The following TRPM3 variants were observed in gnomAD, a reference collection of about 807,000 sequenced individuals.
The protein encoded by TRPM3 is transient receptor potential cation channel subfamily M member 3.
Under a neutral mutation model 181.2 loss-of-function variants are expected in TRPM3, and 77 were observed. That is an observed-to-expected ratio of 0.42 (90% confidence interval 0.35 to 0.51). TRPM3 has a LOEUF of 0.51. Among genes scored for constraint, TRPM3 ranks in the 20% least tolerant of loss-of-function variants. The pLI is 0.01. For missense variants in TRPM3, 1,759 were observed against 2,196.7 expected (o/e 0.80, Z 3.98); for synonymous variants, 745 against 796.4 (o/e 0.94, Z 1.09).
intron 1 of TRPM3, among the ~76,000 whole-genome samples, chr9:71,020,956 GCTAA>G (rs1355382138): frequency 3.3e-5 from 5 of 152,120 alleles, no homozygotes; most frequent in African/African-American, 1.2e-4. Flanking sequence ...TTCACAATAA[GCTAA>G]CTAACTGGTT....
At chr9:71,118,405 C>A (rs1299360975) in intron 1 of TRPM3, among the ~76,000 whole-genome samples, 1 of 152,114 alleles carries the variant, frequency 6.6e-6, no homozygotes, top group Non-Finnish European at 1.5e-5. Flanking sequence ...TCTTTTGTAT[C>A]CTGTTTCTAT....
chr9:70,765,313 G>A (rs1347266865), intron 7 of TRPM3, among the ~76,000 whole-genome samples: 8 of 152,166 alleles, frequency 5.3e-5, no homozygotes, highest in Non-Finnish European at 4.4e-5. Context: ...TTTGCGGGCC[G>A]GGTTTGGTGG....
At chr9:71,007,674 G>A (rs1236137014) in intron 1 of TRPM3, among the ~76,000 whole-genome samples, 1 of 152,076 alleles carries the variant, frequency 6.6e-6, no homozygotes, top group African/African-American at 2.4e-5. Flanking sequence ...TGGGACAAAT[G>A]ACAATGGAAT....
chr9:71,307,576 T>C (rs980455329), intron 1 of TRPM3, among the ~76,000 whole-genome samples: 1 of 152,196 alleles, frequency 6.6e-6, no homozygotes, highest in Non-Finnish European at 1.5e-5. Context: ...CTCTCTCCTC[T>C]GTTTTTAGTG....
intron 1 of TRPM3, among the ~76,000 whole-genome samples, chr9:71,165,197 A>G (rs1438288999): frequency 6.6e-6 from 1 of 152,086 alleles, no homozygotes; most frequent in African/African-American, 2.4e-5. Flanking sequence ...GCCTATACCT[A>G]TTTTCACAAG....
chr9:70,580,254 G>A (rs2055278879), intron 22 of TRPM3, among the ~76,000 whole-genome samples: 1 of 152,054 alleles, frequency 6.6e-6, no homozygotes, highest in Non-Finnish European at 1.5e-5. Context: ...ATAAACTGAA[G>A]CTATACTTAA....
chr9:71,141,568 G>A (rs1321647117), intron 1 of TRPM3, among the ~76,000 whole-genome samples: 1 of 152,064 alleles, frequency 6.6e-6, no homozygotes, highest in Non-Finnish European at 1.5e-5. Context: ...TTAAGTTAAA[G>A]GGGCTTTTCA....
rs779170507 is a variant in TRPM3 at position 71,116,980 on chromosome 9, G to A, written c.177+4198C>T. The stretch of plus-strand genomic sequence containing the variant: ...ATAACTGAAATACCCTTTCTAGCCC[G>A]GGAAAGAGGAACTTCCTTCTCAGGA... On this transcript the variant is annotated intron_variant, in intron 1 of 25. Transcript: ENST00000677713. Among the ~76,000 whole-genome samples the A allele has an allele frequency of 4.2e-4, 64 of 152,156 alleles. 1 individual carries two copies. The highest frequency in any genetic ancestry group is 1.4e-3 in the African/African-American group (57 of 41,502).
In TRPM3 at chr9:70,923,803, ACTCT is replaced by A. The variant is rs769200720; in HGVS notation, c.178-59296_178-59293del. Among the ~76,000 whole-genome samples the A allele has an allele frequency of 5.5e-3, 793 of 143,430 alleles. 2 individuals carry two copies. The highest frequency in any genetic ancestry group is 0.011 in the South Asian group (48 of 4,458). 94.1% of individuals were successfully genotyped at this position (143,430 alleles called of 152,430 possible). A position where few individuals can be genotyped will look rare whatever the true frequency, so the allele number is the denominator to read the frequency against. ...ACAAATAACACACACACACACACACACTCTCTCTCTCTCTCTCTCTCTCTCTATA... is the reference window on the plus strand; with the variant it reads ...ACAAATAACACACACACACACACACACTCTCTCTCTCTCTCTCTCTCTATA... On this transcript the variant is annotated intron_variant, in intron 1 of 25. Coordinates refer to ENST00000677713, the MANE Select transcript of TRPM3 (RefSeq NM_001366145.2).
At chr9:70,574,679 G>C (rs1362516828) in intron 22 of TRPM3, among the ~76,000 whole-genome samples, 1 of 152,182 alleles carries the variant, frequency 6.6e-6, no homozygotes, top group African/African-American at 2.4e-5. Context: ...CATTACGCAG[G>C]AGAGTGCCTG....
chr9:71,042,222 A>T (rs2058908539), intron 1 of TRPM3, among the ~76,000 whole-genome samples: 1 of 152,086 alleles, frequency 6.6e-6, no homozygotes, highest in Non-Finnish European at 1.5e-5. Context: ...AGGTGAGGGA[A>T]AGGGCAATGG....
rs144112804 is a variant in TRPM3 at position 70,683,035 on chromosome 9, C to T, written c.1273-1457G>A. The stretch of plus-strand genomic sequence containing the variant: ...AGTTTGTTTAAGGTCACACAATGAG[C>T]TAGAAGAACAGCTGTGATTGGAATT... On this transcript the variant is annotated intron_variant, in intron 8 of 25. Coordinates refer to ENST00000677713, the MANE Select transcript of TRPM3 (RefSeq NM_001366145.2). Among the ~76,000 whole-genome samples the T allele has an allele frequency of 1.1e-3, 168 of 152,250 alleles. 1 individual carries two copies. Among genetic ancestry groups the T allele is most frequent in the Middle Eastern group, 6.8e-3 (2 of 294 alleles).
intron 1 of TRPM3, among the ~76,000 whole-genome samples, chr9:71,107,936 T>C (rs1011506218): frequency 2.6e-5 from 4 of 152,202 alleles, no homozygotes; most frequent in Admixed American, 2.6e-4. Context: ...TGTTGCAATT[T>C]CAGTCAACCA....
At chr9:71,268,480 A>C (rs1565403136) in intron 1 of TRPM3, among the ~76,000 whole-genome samples, 2 of 152,084 alleles carry the variant, frequency 1.3e-5, no homozygotes, top group Non-Finnish European at 2.9e-5. Context: ...CTTAGAACAC[A>C]ATGCTCTAAT....
chr9:70,840,885 T>G (rs2094586246), intron 5 of TRPM3, among the ~76,000 whole-genome samples: 1 of 152,178 alleles, frequency 6.6e-6, no homozygotes, highest in African/African-American at 2.4e-5. Flanking sequence ...TCAACTGCCA[T>G]TTATTCACAG....
intron 1 of TRPM3, among the ~76,000 whole-genome samples, chr9:71,055,790 A>T (rs1164036135): frequency 6.6e-6 from 1 of 152,032 alleles, no homozygotes; most frequent in Non-Finnish European, 1.5e-5. Context: ...GTTGTTTTGA[A>T]TGAATGATTT....
intron 1 of TRPM3, among the ~76,000 whole-genome samples, chr9:71,055,722 A>G (rs2060585504): frequency 6.6e-6 from 1 of 151,994 alleles, no homozygotes; most frequent in Admixed American, 6.6e-5. Flanking sequence ...ACAATATTAT[A>G]TGTGCCAGGG....
chr9:71,011,118 T>C (rs536747322), intron 1 of TRPM3, among the ~76,000 whole-genome samples: 7 of 152,246 alleles, frequency 4.6e-5, no homozygotes, highest in Admixed American at 6.5e-5. Context: ...CTTGATTTCA[T>C]AGAAGTACAG....
intron 1 of TRPM3, among the ~76,000 whole-genome samples, chr9:70,960,243 G>A (rs561695614): frequency 3.9e-4 from 59 of 152,104 alleles, no homozygotes; most frequent in African/African-American, 1.2e-3. Context: ...ACATTATGAT[G>A]GGATGAAGAA....
Sources: gnomAD v4.1 joint callset for allele counts (sites outside exome capture counted in the v4.1 genomes callset) on GRCh38, gnomAD v4.1.1 for gene constraint, MANE v1.5 for transcripts, NCBI Gene and HGNC (gene_info 2026-07-23, HGNC 2026-07-21) for gene names.